Variants in JAZF1 observed in about 807,000 individuals in gnomAD.
JAZF1 encodes JAZF zinc finger 1.
JAZF1 carries 8 observed loss-of-function variants against 26.4 expected under a neutral mutation model. The ratio of observed to expected loss-of-function variants is 0.30; its 90% CI spans 0.18 to 0.55. The LOEUF (loss-of-function observed/expected upper bound fraction) is 0.55, where lower values mean the gene tolerates loss of function less well. JAZF1 is among the 20% of genes least tolerant of loss of function. JAZF1 has a pLI of 0.94. For synonymous variants in JAZF1, 126 were observed against 122.3 expected, an observed-to-expected ratio of 1.03 and a Z score of -0.20; for missense variants, 199 against 322.0, an observed-to-expected ratio of 0.62 and a Z score of 2.92.
intron 1 of JAZF1, among the ~76,000 whole-genome samples, chr7:28,155,374 A>C (rs940845108): frequency 4.6e-5 from 7 of 152,334 alleles, no homozygotes; most frequent in Admixed American, 4.6e-4. Flanking sequence ...ATTCACTCTC[A>C]GTTTAACTCA....
At chr7:28,098,835 C>T (rs755913075) in intron 1 of JAZF1, among the ~76,000 whole-genome samples, 2 of 152,214 alleles carry the variant, frequency 1.3e-5, no homozygotes, top group South Asian at 4.1e-4. Context: ...GGAAAACACT[C>T]TGAGGACAGA....
At chr7:27,892,211 C>G (rs1332920202) in intron 3 of JAZF1, among the ~76,000 whole-genome samples, 5 of 152,088 alleles carry the variant, frequency 3.3e-5, no homozygotes, top group Non-Finnish European at 7.4e-5. Flanking sequence ...TTTAAGAAAC[C>G]ATTTCCCCTG....
chr7:27,925,172 T>C (rs546855940), intron 2 of JAZF1, among the ~76,000 whole-genome samples: 2 of 152,320 alleles, frequency 1.3e-5, no homozygotes, highest in South Asian at 2.1e-4. Context: ...AGGCCATTTG[T>C]AGTCAAGTTT....
chr7:27,895,177 TC>T (rs1262403219), intron 3 of JAZF1, 42 bp downstream of exon 3: 1 of 1,340,044 alleles, frequency 7.5e-7, no homozygotes, highest in Non-Finnish European at 1.0e-6. Flanking sequence ...TTTCTCTTTC[TC>T]CCCTCTCCTC....
intron 1 of JAZF1, among the ~76,000 whole-genome samples, chr7:28,103,588 T>C (rs1332395138): frequency 6.6e-6 from 1 of 152,154 alleles, no homozygotes; most frequent in Non-Finnish European, 1.5e-5. Context: ...GTCACCCTCA[T>C]CTTAGCGAAT....
intron 1 of JAZF1, 189 bp downstream of exon 1, chr7:28,180,274 C>G (rs1280170188): frequency 6.7e-6 from 1 of 148,906 alleles, no homozygotes; most frequent in African/African-American, 2.7e-5. Context: ...CCTCCCCCAC[C>G]CGAGCCCGCT....
intron 1 of JAZF1, among the ~76,000 whole-genome samples, chr7:28,152,559 A>G (rs1229522596): frequency 1.3e-5 from 2 of 152,168 alleles, no homozygotes; most frequent in Non-Finnish European, 2.9e-5. Context: ...TCTCCCATTG[A>G]CTCAGAAAAG....
intron 1 of JAZF1, among the ~76,000 whole-genome samples, chr7:28,069,861 T>G (rs1562576975): frequency 6.6e-6 from 1 of 152,150 alleles, no homozygotes; most frequent in Non-Finnish European, 1.5e-5. Flanking sequence ...AAACTCATAC[T>G]TGTCCCCTAA....
rs1009204369 is a variant in JAZF1 at position 28,084,579 on chromosome 7, T to C, written c.116-92598A>G. 6.6e-5 allele frequency among the ~76,000 whole-genome samples: 10 copies of C among 152,282 alleles called. No homozygotes were observed. The South Asian group carries it at 1.9e-3, about 28-fold the overall frequency. On this transcript the variant is annotated intron_variant, in intron 1 of 4. Coordinates refer to ENST00000283928, the MANE Select transcript of JAZF1 (RefSeq NM_175061.4). ...ACTGGCTATTAAAAAGTGTATGGGT[T>C]CTTTTAGTCTTTCTGTGCCATGGTC...
At chr7:27,980,835 T>C (rs1345214497) in intron 2 of JAZF1, among the ~76,000 whole-genome samples, 8 of 152,302 alleles carry the variant, frequency 5.3e-5, no homozygotes, top group African/African-American at 1.2e-4. Context: ...CTTGAATGCA[T>C]ACTGGCTTCA....
intron 1 of JAZF1, among the ~76,000 whole-genome samples, chr7:28,022,138 A>G (rs1272032021): frequency 6.6e-6 from 1 of 152,210 alleles, no homozygotes; most frequent in Non-Finnish European, 1.5e-5. Context: ...AGTCTCAAAG[A>G]CCTAAGGATA....
intron 1 of JAZF1, among the ~76,000 whole-genome samples, chr7:28,149,741 G>GT (rs1331444896): frequency 6.6e-6 from 1 of 152,202 alleles, no homozygotes; most frequent in Non-Finnish European, 1.5e-5. Context: ...TAAAACGAAT[G>GT]TATCTGCTGA....
At position 28,000,437 on chromosome 7, in the gene JAZF1, C is replaced by T. The variant is rs76254946; in HGVS notation, c.116-8456G>A. ...TGAGAAACCCTGCTTTAAAACTACA[C>T]GAATATTATGAGAAACAGAGCTATT... On this transcript the variant is annotated intron_variant, in intron 1 of 4. Transcript: ENST00000283928. 5.9e-3 allele frequency among the ~76,000 whole-genome samples: 897 copies of T among 152,116 alleles called. 8 individuals are homozygous for T. Among genetic ancestry groups the T allele is most frequent in the African/African-American group, 0.021 (861 of 41,482 alleles).
chr7:27,922,024 C>T (rs35301223), intron 2 of JAZF1, among the ~76,000 whole-genome samples: 8,184 of 152,218 alleles, frequency 0.054, 300 homozygotes, highest in Non-Finnish European at 0.083. Flanking sequence ...TAGAAAAATT[C>T]AGTGAATTTC....
intron 2 of JAZF1, among the ~76,000 whole-genome samples, chr7:27,926,497 A>C (rs1470466261): frequency 2.0e-5 from 3 of 152,252 alleles, no homozygotes; most frequent in Non-Finnish European, 2.9e-5. Flanking sequence ...AGAAGACATC[A>C]GACTTTCTTC....
At chr7:28,048,868 T>C (rs1213069339) in intron 1 of JAZF1, among the ~76,000 whole-genome samples, 1 of 152,170 alleles carries the variant, frequency 6.6e-6, no homozygotes, top group Non-Finnish European at 1.5e-5. Context: ...TGATGACTCC[T>C]GAAAACATGC....
At position 28,180,452 on chromosome 7, in the gene JAZF1, G is replaced by T; in HGVS notation, c.115+11C>A. 2.6e-6 allele frequency: 4 copies of T among 1,547,412 alleles called. No individual in the cohort carries two copies. The highest frequency in any genetic ancestry group is 3.5e-6 in the Non-Finnish European group (4 of 1,138,174). Reference sequence around the variant, plus strand: ...GCGCCTGGCACCCCCGCCCACCCCCGGGCCATTTACCGATGTGGTTGTCCT... The same window carrying T: ...GCGCCTGGCACCCCCGCCCACCCCCTGGCCATTTACCGATGTGGTTGTCCT... On this transcript the variant is annotated intron_variant, in intron 1 of 4. Coordinates refer to ENST00000283928, the MANE Select transcript of JAZF1 (RefSeq NM_175061.4).
intron 1 of JAZF1, among the ~76,000 whole-genome samples, chr7:28,149,284 T>C (rs1248019981): frequency 6.6e-6 from 1 of 150,380 alleles, no homozygotes; most frequent in Non-Finnish European, 1.5e-5. Flanking sequence ...GAAAAGCCTC[T>C]TTTTTTCTTA....
At chr7:27,898,225 G>T (rs1184988302) in intron 2 of JAZF1, among the ~76,000 whole-genome samples, 2 of 150,294 alleles carry the variant, frequency 1.3e-5, no homozygotes, top group Non-Finnish European at 3.0e-5. Context: ...CATATCCAGT[G>T]TAAGAGACAG....
Sources: allele counts gnomAD v4.1 joint callset (sites outside exome capture counted in the v4.1 genomes callset), GRCh38; gene constraint gnomAD v4.1.1; transcripts MANE v1.5; gene names NCBI Gene and HGNC (gene_info 2026-07-23, HGNC 2026-07-21).